ABCD3: variants seen among roughly 807,000 people sequenced by gnomAD.
The protein encoded by ABCD3 is ATP-binding cassette sub-family D member 3.
Under a neutral mutation model 105.5 loss-of-function variants are expected in ABCD3, and 41 were observed. The ratio of observed to expected loss-of-function variants is 0.39; its 90% CI spans 0.30 to 0.50. The LOEUF is 0.50. Among genes scored for constraint, ABCD3 ranks in the 20% least tolerant of loss-of-function variants. The pLI is 0.84. For missense variants in ABCD3, 622 were observed against 806.3 expected (o/e 0.77, Z 2.77); for synonymous variants, 258 against 269.0 (o/e 0.96, Z 0.40).
chr1:94,484,018 A>G (rs1649159890), intron 10 of ABCD3, among the ~76,000 whole-genome samples: 1 of 152,254 alleles, frequency 6.6e-6, no homozygotes, highest in Non-Finnish European at 1.5e-5. Flanking sequence ...ACATTTATGC[A>G]GCCAACAGAC....
chr1:94,466,034 C>T (rs916576501), intron 3 of ABCD3, among the ~76,000 whole-genome samples: 2 of 152,134 alleles, frequency 1.3e-5, no homozygotes, highest in African/African-American at 4.8e-5. Flanking sequence ...GCATCATCTC[C>T]TGATGATTCT....
At chr1:94,510,738 T>C (rs1650623303) in intron 21 of ABCD3, among the ~76,000 whole-genome samples, 1 of 152,150 alleles carries the variant, frequency 6.6e-6, no homozygotes, top group African/African-American at 2.4e-5. Context: ...CCTTTACCAT[T>C]ATGTAATGGC....
chr1:94,462,525 G>A (rs1462935579), intron 2 of ABCD3, among the ~76,000 whole-genome samples: 1 of 152,168 alleles, frequency 6.6e-6, no homozygotes, highest in Admixed American at 6.5e-5. Flanking sequence ...GAAACGTAAT[G>A]AAAATCCATC....
chr1:94,408,278 T>C, the ABCD3 span, among the ~76,000 whole-genome samples: 1 of 151,978 alleles, frequency 6.6e-6, no homozygotes, highest in African/African-American at 2.4e-5. Context: ...GGTAGCAGAT[T>C]AGGTTACTAG....
chr1:94,472,713 A>G (rs1158254), intron 4 of ABCD3, among the ~76,000 whole-genome samples: 2 of 152,078 alleles, frequency 1.3e-5, no homozygotes, highest in East Asian at 3.9e-4. Flanking sequence ...TTATCCATCT[A>G]GTCCCTCACA....
chr1:94,506,862 A>G (rs1570835392), intron 21 of ABCD3, among the ~76,000 whole-genome samples: 1 of 152,088 alleles, frequency 6.6e-6, no homozygotes, highest in East Asian at 1.9e-4. Flanking sequence ...ATAGATTTAA[A>G]TATGTTGTTT....
At chr1:94,499,667 G>C (rs1380032992) in intron 20 of ABCD3, 53 bp downstream of exon 20, 3 of 1,604,070 alleles carry the variant, frequency 1.9e-6, no homozygotes, top group South Asian at 1.1e-5. Flanking sequence ...CCAGCATTTT[G>C]ATTAATCAGG....
chr1:94,510,547 T>C (rs1392126712), intron 21 of ABCD3, among the ~76,000 whole-genome samples: 2 of 152,170 alleles, frequency 1.3e-5, no homozygotes, highest in Non-Finnish European at 2.9e-5. Flanking sequence ...GGTATCTTTG[T>C]TGACTTTCTG....
chr1:94,418,016 G>A (rs1287082957), upstream of ABCD3, among the ~76,000 whole-genome samples: 1 of 152,236 alleles, frequency 6.6e-6, no homozygotes, highest in Admixed American at 6.5e-5. Flanking sequence ...TCCTTTAAGA[G>A]GGTGGTAACG....
rs1402945125 is a variant in ABCD3 at position 94,506,643 on chromosome 1, G to A, written c.1845+1G>A. The A allele has an allele frequency of 6.2e-7, 1 of 1,609,180 alleles. No individual in the cohort carries two copies. The highest frequency in any genetic ancestry group is 1.1e-5 in the South Asian group (1 of 91,022). ...CTACATTTATAGTCATTGTCGAAAG[G>A]TAAGTACGCAGGTGCTCAGTTTGAG... is the stretch of plus-strand genomic sequence containing the variant. On this transcript the variant is annotated splice_donor_variant, in intron 21 of 22. Coordinates refer to ENST00000370214, the MANE Select transcript of ABCD3 (RefSeq NM_002858.4). LOFTEE classifies it high-confidence loss of function.
rs768834923 is a variant in ABCD3, at chr1:94,506,521, T to C, written c.1741-17T>C. Reference sequence around the variant, plus strand: ...GTCTGCCTGTGTTTTACACAAAAAATTTTTTTTATGCTTCAGATGGCAAGA... The same window carrying C: ...GTCTGCCTGTGTTTTACACAAAAAACTTTTTTTATGCTTCAGATGGCAAGA... On this transcript the variant is annotated splice_polypyrimidine_tract_variant and intron_variant, in intron 20 of 22. Transcript: ENST00000370214. The C allele has an allele frequency of 1.5e-5, 23 of 1,561,382 alleles. No homozygotes were observed. The highest frequency in any genetic ancestry group is 3.3e-4 in the Middle Eastern group (2 of 5,974).
intron 10 of ABCD3, among the ~76,000 whole-genome samples, chr1:94,486,095 G>A (rs1178598238): frequency 6.6e-6 from 1 of 152,130 alleles, no homozygotes. Flanking sequence ...GGGAGGCTGA[G>A]GCAGGAGAAT....
chr1:94,394,088 A>G, the ABCD3 span, among the ~76,000 whole-genome samples: 3 of 152,218 alleles, frequency 2.0e-5, no homozygotes, highest in Admixed American at 6.5e-5. Context: ...AATATGCCTC[A>G]ACCATTGGAC....
At chr1:94,440,622 A>C (rs1015529486) in intron 1 of ABCD3, among the ~76,000 whole-genome samples, 3 of 152,170 alleles carry the variant, frequency 2.0e-5, no homozygotes, top group Admixed American at 1.3e-4. Flanking sequence ...GAGTTCTTTT[A>C]GTGATGTAGG....
the ABCD3 span, among the ~76,000 whole-genome samples, chr1:94,395,813 G>A: frequency 6.6e-6 from 1 of 151,990 alleles, no homozygotes; most frequent in Admixed American, 6.6e-5. Flanking sequence ...CAGTGTGAGT[G>A]AGTGTGTGTG....
At chr1:94,401,144 C>T in the ABCD3 span, among the ~76,000 whole-genome samples, 2 of 152,158 alleles carry the variant, frequency 1.3e-5, no homozygotes, top group Admixed American at 1.3e-4. Flanking sequence ...CTTATAATTA[C>T]CCAATTTCAG....
chr1:94,394,428 CCATGTCAGTAT>C, the ABCD3 span, among the ~76,000 whole-genome samples: 2 of 152,182 alleles, frequency 1.3e-5, no homozygotes, highest in East Asian at 3.9e-4. Flanking sequence ...AAAGCATTTT[CCATGTCAGTAT>C]CTGCATACCA....
At chr1:94,441,110 T>C (rs910065224) in intron 1 of ABCD3, among the ~76,000 whole-genome samples, 1 of 151,052 alleles carries the variant, frequency 6.6e-6, no homozygotes, top group African/African-American at 2.4e-5. Flanking sequence ...AAAGAAAATA[T>C]TGATACATTT....
In ABCD3 at chr1:94,447,109, C is replaced by T. The variant is rs184477084; in HGVS notation, c.111-11498C>T. On this transcript the variant is annotated intron_variant, in intron 1 of 22. Coordinates refer to ENST00000370214, the MANE Select transcript of ABCD3 (RefSeq NM_002858.4). ...TTTGATGGCAGCCATTGTTCAGCCT[C>T]TAGAACCTATACCTTTAAAATGGTT... 2.1e-4 allele frequency among the ~76,000 whole-genome samples: 32 copies of T among 152,316 alleles called. No individual in the cohort carries two copies. In the East Asian group the frequency reaches 6.0e-3, roughly 28 times the overall value.
Sources: gnomAD v4.1 joint callset for allele counts (sites outside exome capture counted in the v4.1 genomes callset) on GRCh38, gnomAD v4.1.1 for gene constraint, MANE v1.5 for transcripts, NCBI Gene and HGNC (gene_info 2026-07-23, HGNC 2026-07-21) for gene names.